The following GCSAML variants were observed in gnomAD, a reference collection of about 807,000 sequenced individuals.
GCSAML encodes germinal center associated signaling and motility like.
In GCSAML, 9 loss-of-function variants were observed where a neutral mutation model predicts 13.0. The observed-to-expected ratio is 0.69, with a 90% CI of 0.42 to 1.21. The LOEUF (loss-of-function observed/expected upper bound fraction) is 1.21, where lower values mean the gene tolerates loss of function less well. GCSAML is among the 50% of genes most tolerant of loss of function. The probability of loss-of-function intolerance (pLI) is 0.00; values close to 1 mark genes in which losing one functional copy is unlikely to be tolerated. For synonymous variants in GCSAML, 37 were observed against 52.9 expected, an observed-to-expected ratio of 0.70 and a Z score of 1.31; for missense variants, 143 against 153.4, an observed-to-expected ratio of 0.93 and a Z score of 0.36.
chr1:247,538,735 G>A (rs1056694103), intron 2 of GCSAML: 6 of 456,366 alleles, frequency 1.3e-5, no homozygotes, highest in East Asian at 6.9e-5. Context: ...GAAGGGAAGC[G>A]TCATCAGAAA....
At chr1:247,549,769 G>A (rs992504416) in intron 1 of GCSAML, among the ~76,000 whole-genome samples, 4 of 152,116 alleles carry the variant, frequency 2.6e-5, no homozygotes, top group African/African-American at 7.2e-5. Flanking sequence ...TTTGACTTTA[G>A]TCACACCTTT....
intron 1 of GCSAML, among the ~76,000 whole-genome samples, chr1:247,513,166 T>C (rs1666100322): frequency 6.6e-6 from 1 of 152,174 alleles, no homozygotes; most frequent in Admixed American, 6.5e-5. Context: ...ATCTATAAGC[T>C]CCTGACTGGG....
intron 2 of GCSAML, among the ~76,000 whole-genome samples, chr1:247,539,269 G>A (rs2103018826): frequency 6.6e-6 from 1 of 152,240 alleles, no homozygotes; most frequent in Middle Eastern, 3.4e-3. Context: ...CAAACTTCAT[G>A]GCTCTTCATA....
chr1:247,552,363 GGAGAATGGCCTCTAGAACACGGATGCAGA>G, intron 1 of GCSAML, among the ~76,000 whole-genome samples: 1 of 152,334 alleles, frequency 6.6e-6, no homozygotes, highest in East Asian at 1.9e-4. Context: ...AGAGAAGGCT[GGAGAATGGCCTCTAGAACACGGATGCAGA>G]GAGCCTCCTG....
chr1:247,558,679 A>G (rs571834436), intron 2 of GCSAML, among the ~76,000 whole-genome samples: 1 of 152,260 alleles, frequency 6.6e-6, no homozygotes, highest in African/African-American at 2.4e-5. Flanking sequence ...TTTGAATTCA[A>G]AACTCAATAA....
chr1:247,527,449 A>G lies in GCSAML; in HGVS notation c.-148+395A>G, dbSNP rs1666726581. 1 of 154,578 alleles carries G rather than the reference A, an allele frequency of 6.5e-6. No individual in the cohort carries two copies. The highest frequency in any genetic ancestry group is 2.0e-4 in the South Asian group (1 of 5,006). 9.6% of individuals were successfully genotyped at this position (154,578 alleles called of 1,614,324 possible). ...CTCTGGAGGTTCTACCAACTTGACT[A>G]CTGAGCTTAAACAAAGCCATGAACT... On this transcript the variant is annotated intron_variant, in intron 2 of 5. Transcript: ENST00000366489. This position sits in a 1 kb window ranked among gnomAD's most constrained non-coding sequence, Gnocchi z 4.6.
At chr1:247,550,033 G>C (rs1667712484) in intron 1 of GCSAML, among the ~76,000 whole-genome samples, 1 of 152,044 alleles carries the variant, frequency 6.6e-6, no homozygotes, top group South Asian at 2.1e-4. Context: ...AATATGACTG[G>C]ACAAAAAGGG....
At chr1:247,548,964 G>T, upstream of GCSAML, 1 of 1,051,758 alleles carries the variant, frequency 9.5e-7, no homozygotes, top group East Asian at 2.7e-5. The surrounding 1 kb of genome is among the most constrained non-coding windows in gnomAD (Gnocchi z 5.3). Flanking sequence ...GTGTGTGTGC[G>T]TGCAGGCACA....
In GCSAML at chr1:247,574,416, G is replaced by T; in HGVS notation, c.*34G>T. ...AGCTGCTTTATCACCTTCCAGCAAT[G>T]AAGACAATGCAGAATAGCAGACTCT... On this transcript the variant is annotated 3_prime_UTR_variant, in exon 5 of 5. Coordinates refer to ENST00000366488, the MANE Select transcript of GCSAML (RefSeq NM_145278.5). 6.2e-7 allele frequency: 1 copy of T among 1,609,048 alleles called. No homozygotes were observed. The highest frequency in any genetic ancestry group is 2.2e-5 in the East Asian group (1 of 44,864).
At chr1:247,532,406 A>C (rs1667019869) in intron 2 of GCSAML, 3 of 1,614,028 alleles carry the variant, frequency 1.9e-6, no homozygotes, top group Non-Finnish European at 1.7e-6. Flanking sequence ...GATACCATGT[A>C]AAAACTCAAG....
upstream of GCSAML, among the ~76,000 whole-genome samples, chr1:247,545,974 G>T (rs770890224): frequency 1.3e-5 from 2 of 151,842 alleles, no homozygotes; most frequent in Non-Finnish European, 2.9e-5. Flanking sequence ...AAAAAATCAC[G>T]AAGAGCTACA....
chr1:247,543,544 G>A (rs894171588), intron 2 of GCSAML, among the ~76,000 whole-genome samples: 8 of 152,088 alleles, frequency 5.3e-5, no homozygotes, highest in Admixed American at 6.5e-5. Flanking sequence ...TGGATAAGGC[G>A]GAACACTGTA....
intron 2 of GCSAML, among the ~76,000 whole-genome samples, chr1:247,538,498 A>T (rs1667299460): frequency 6.6e-6 from 1 of 152,220 alleles, no homozygotes; most frequent in Non-Finnish European, 1.5e-5. Flanking sequence ...TTGAAACCAT[A>T]ACCCACAATG....
intron 1 of GCSAML, among the ~76,000 whole-genome samples, chr1:247,550,578 A>C (rs1306741635): frequency 6.6e-6 from 1 of 152,184 alleles, no homozygotes; most frequent in Non-Finnish European, 1.5e-5. Flanking sequence ...CGGAGCTTGC[A>C]GTGAGCCGAG....
intron 1 of GCSAML, chr1:247,525,629 G>A (rs1881796): frequency 0.19 from 28,719 of 152,268 alleles, 2,877 homozygotes; most frequent in African/African-American, 0.23. Context: ...GAACCTCCAC[G>A]TCTTCAGCTA....
At position 247,565,915 on chromosome 1, in the gene GCSAML, T is replaced by C. The variant is rs1320926694; in HGVS notation, c.140-16T>C. On this transcript the variant is annotated splice_polypyrimidine_tract_variant and intron_variant, in intron 3 of 4. Coordinates refer to ENST00000366488, the MANE Select transcript of GCSAML (RefSeq NM_145278.5). ...GCTTTCCTTTCTTTCTTTTTTTTTT[T>C]TTTTTAATTCTCCAGGCCAAGAAGT... The C allele has an allele frequency of 1.3e-6, 2 of 1,556,682 alleles. No homozygotes were observed. Among genetic ancestry groups the C allele is most frequent in the Middle Eastern group, 1.7e-4 (1 of 5,880 alleles).
intron 1 of GCSAML, among the ~76,000 whole-genome samples, chr1:247,552,631 A>G (rs559595471): frequency 6.6e-6 from 1 of 152,340 alleles, no homozygotes; most frequent in African/African-American, 2.4e-5. Flanking sequence ...ATCCTCCCAT[A>G]TAAATTTGTA....
In GCSAML at chr1:247,531,331, C is replaced by G; in HGVS notation, c.-148+4277C>G. 2 of 584,448 alleles carry G rather than the reference C, an allele frequency of 3.4e-6. 1 individual carries two copies. Among genetic ancestry groups the G allele is most frequent in the East Asian group, 5.7e-5 (2 of 35,368 alleles). 36.2% of individuals were successfully genotyped at this position (584,448 alleles called of 1,614,324 possible). A position where few individuals can be genotyped will look rare whatever the true frequency, so the allele number is the denominator to read the frequency against. Reference sequence around the variant, plus strand: ...TGACAGTCAACATGTGTATATATAGCAAAAACCAACAACGCAATTGAACAA... The same window carrying G: ...TGACAGTCAACATGTGTATATATAGGAAAAACCAACAACGCAATTGAACAA... On this transcript the variant is annotated intron_variant, in intron 2 of 5. Transcript: ENST00000366489.
intron 1 of GCSAML, among the ~76,000 whole-genome samples, chr1:247,513,407 T>C (rs554478186): frequency 6.6e-6 from 1 of 152,246 alleles, no homozygotes; most frequent in African/African-American, 2.4e-5. Context: ...GTACTGGCAG[T>C]GAGAATTTCA....
Sources: gnomAD v4.1 joint callset for allele counts (sites outside exome capture counted in the v4.1 genomes callset) on GRCh38, gnomAD v4.1.1 for gene constraint, Gnocchi (gnomAD v3.1) non-coding constraint, MANE v1.5 for transcripts, NCBI Gene and HGNC (gene_info 2026-07-23, HGNC 2026-07-21) for gene names.